The following IPO11 variants were observed in gnomAD, a reference collection of about 807,000 sequenced individuals.
IPO11 encodes importin-11.
IPO11 carries 66 observed loss-of-function variants against 143.2 expected under a neutral mutation model. That is an observed-to-expected ratio of 0.46 (90% CI 0.38 to 0.57). The LOEUF (loss-of-function observed/expected upper bound fraction) is 0.57, where lower values mean the gene tolerates loss of function less well. IPO11 is among the 20% of genes least tolerant of loss of function. The pLI, the probability that IPO11 is intolerant of heterozygous loss-of-function variation, is 0.00. For synonymous variants in IPO11, 385 were observed against 377.8 expected (o/e 1.02, Z -0.22); for missense variants, 1,026 against 1,141.0 (o/e 0.90, Z 1.45).
At chr5:62,587,319 G>C (rs1174423740) in intron 27 of IPO11, among the ~76,000 whole-genome samples, 4 of 151,902 alleles carry the variant, frequency 2.6e-5, no homozygotes, top group African/African-American at 9.7e-5. Flanking sequence ...TTTCCACTAT[G>C]GTTTTTTAGC....
intron 29 of IPO11, among the ~76,000 whole-genome samples, chr5:62,610,176 AG>A (rs1002607608): frequency 7.2e-5 from 11 of 152,212 alleles, no homozygotes; most frequent in African/African-American, 2.7e-4. Context: ...ATAAAAGCAT[AG>A]GCTTGAATGC....
chr5:62,478,322 C>A (rs893139363), intron 9 of IPO11, among the ~76,000 whole-genome samples: 6 of 152,020 alleles, frequency 3.9e-5, no homozygotes, highest in African/African-American at 1.4e-4. Flanking sequence ...CATGCCACCA[C>A]GCCCAGCTAA....
At chr5:62,485,843 C>T (rs554014912) in intron 12 of IPO11, among the ~76,000 whole-genome samples, 97 of 145,760 alleles carry the variant, frequency 6.7e-4, no homozygotes, top group Non-Finnish European at 1.1e-3. Context: ...AAGCAAAACC[C>T]GTCTCTTAAA....
chr5:62,526,162 G>C lies in IPO11; in HGVS notation c.1917G>C (p.Lys639Asn). Residue 639 changes from lysine to asparagine, a missense_variant, in exon 21 of 30, where the codon AAG (lysine) becomes AAC (asparagine). By Grantham distance (94) the Lys-to-Asn change is moderately conservative (BLOSUM62 0). This residue lies in a region of IPO11 where 237 missense variants were observed against 288.0 expected (regional missense o/e 0.82). Transcript: ENST00000325324. ...HLVQGLGADS[K>N]NLYPFLLPVI... ...CATAGGGATTAGGAGCAGACAGCAA[G>C]AACCTGTACCCTTTCCTGCTCCCAG... 1 of 1,612,904 alleles carries C rather than the reference G, an allele frequency of 6.2e-7. No homozygotes were observed. The highest frequency in any genetic ancestry group is 8.5e-7 in the Non-Finnish European group (1 of 1,179,048).
intron 24 of IPO11, among the ~76,000 whole-genome samples, chr5:62,542,192 C>T (rs1016026806): frequency 6.6e-6 from 1 of 151,784 alleles, no homozygotes; most frequent in Non-Finnish European, 1.5e-5. Context: ...AATTGAGAAT[C>T]TGATAGTATG....
At chr5:62,482,263 G>A (rs1746241418) in intron 9 of IPO11, among the ~76,000 whole-genome samples, 1 of 152,030 alleles carries the variant, frequency 6.6e-6, no homozygotes, top group African/African-American at 2.4e-5. Context: ...TTTTTTGAAG[G>A]GTTTTTTTGT....
chr5:62,620,062 A>G (rs1746290222), intron 29 of IPO11, among the ~76,000 whole-genome samples: 1 of 152,154 alleles, frequency 6.6e-6, no homozygotes. Flanking sequence ...AAAAAGAGTC[A>G]TACTCTGTAA....
intron 20 of IPO11, among the ~76,000 whole-genome samples, chr5:62,520,561 C>A (rs1346391609): frequency 6.6e-6 from 1 of 152,104 alleles, no homozygotes; most frequent in East Asian, 1.9e-4. Flanking sequence ...GTGTGATGTT[C>A]CCCACCCTGT....
chr5:62,534,503 G>C (rs1162955691), intron 22 of IPO11, among the ~76,000 whole-genome samples: 2 of 152,020 alleles, frequency 1.3e-5, no homozygotes, highest in African/African-American at 4.8e-5. Flanking sequence ...GCAAATAGTA[G>C]ATTATAAAAT....
intron 3 of IPO11, among the ~76,000 whole-genome samples, chr5:62,446,235 A>G (rs1744716024): frequency 1.3e-5 from 2 of 152,260 alleles, no homozygotes; most frequent in South Asian, 2.1e-4. Context: ...AATGTTTATA[A>G]TGCAAAGACA....
chr5:62,472,489 G>C (rs26629), intron 7 of IPO11, among the ~76,000 whole-genome samples: 103,165 of 150,412 alleles, frequency 0.69, 35,520 homozygotes, highest in African/African-American at 0.75. Context: ...AGGATAAAAT[G>C]TTAACAAATT....
chr5:62,514,045 C>T (rs377440625), intron 19 of IPO11, among the ~76,000 whole-genome samples: 1 of 147,652 alleles, frequency 6.8e-6, no homozygotes, highest in Admixed American at 6.7e-5. Context: ...GGGGCCGGGA[C>T]GAGGCGCTCC....
intron 27 of IPO11, among the ~76,000 whole-genome samples, chr5:62,568,223 C>T (rs1744021608): frequency 6.6e-6 from 1 of 151,902 alleles, no homozygotes; most frequent in Non-Finnish European, 1.5e-5. Context: ...CTCAGCCTCC[C>T]AAAGTGCTAG....
chr5:62,588,253 G>A (rs1744878207), intron 27 of IPO11, among the ~76,000 whole-genome samples: 1 of 147,086 alleles, frequency 6.8e-6, no homozygotes, highest in African/African-American at 2.5e-5. Context: ...AATGTACAGT[G>A]TCTTGCTTTG....
At chr5:62,419,855 A>G (rs758213654) in intron 1 of IPO11, among the ~76,000 whole-genome samples, 8 of 152,208 alleles carry the variant, frequency 5.3e-5, no homozygotes, top group Non-Finnish European at 1.2e-4. Flanking sequence ...TTAGCATGGC[A>G]TGATGGCTCA....
intron 2 of IPO11, among the ~76,000 whole-genome samples, chr5:62,440,379 G>C (rs1472603778): frequency 1.4e-5 from 2 of 144,140 alleles, no homozygotes; most frequent in Non-Finnish European, 3.0e-5. Flanking sequence ...ATCTGAGGTG[G>C]AGTCTCGCTG....
chr5:62,581,259 T>A (rs1744549477), intron 27 of IPO11: 1 of 1,538,476 alleles, frequency 6.5e-7, no homozygotes, highest in South Asian at 1.2e-5. Flanking sequence ...AACAAATTGT[T>A]CCTGAAAATG....
chr5:62,508,500 G>C (rs951914047), intron 19 of IPO11, among the ~76,000 whole-genome samples: 2 of 151,766 alleles, frequency 1.3e-5, no homozygotes, highest in Non-Finnish European at 2.9e-5. Flanking sequence ...TCTTACAATA[G>C]TGCTTTCTTC....
At chr5:62,423,595 A>G (rs1014538706) in intron 1 of IPO11, among the ~76,000 whole-genome samples, 1 of 152,166 alleles carries the variant, frequency 6.6e-6, no homozygotes, top group African/African-American at 2.4e-5. Flanking sequence ...CATACATAAA[A>G]GTAGACAGAA....
Sources: gnomAD v4.1 joint callset for allele counts (sites outside exome capture counted in the v4.1 genomes callset) on GRCh38, gnomAD v4.1.1 for gene constraint, gnomAD v4.1.1 regional missense constraint, MANE v1.5 for transcripts, NCBI Gene and HGNC (gene_info 2026-07-23, HGNC 2026-07-21) for gene names.